EIF2AK3: variants seen among roughly 807,000 people sequenced by gnomAD.
EIF2AK3 encodes eukaryotic translation initiation factor 2 alpha kinase 3, also known as eukaryotic translation initiation factor 2-alpha kinase 3.
Under a neutral mutation model 113.5 loss-of-function variants are expected in EIF2AK3, and 50 were observed. The observed-to-expected ratio is 0.44, with a 90% confidence interval of 0.35 to 0.56. The LOEUF is 0.56. Among genes scored for constraint, EIF2AK3 ranks in the 20% least tolerant of loss-of-function variants. The pLI, the probability that EIF2AK3 is intolerant of heterozygous loss-of-function variation, is 0.00. For missense variants in EIF2AK3, 1,185 were observed against 1,378.0 expected, an observed-to-expected ratio of 0.86 and a Z score of 2.22; for synonymous variants, 448 against 495.4, an observed-to-expected ratio of 0.90 and a Z score of 1.27.
intron 2 of EIF2AK3, among the ~76,000 whole-genome samples, chr2:88,602,439 G>A (rs1475493336): frequency 6.6e-6 from 1 of 151,874 alleles, no homozygotes; most frequent in Non-Finnish European, 1.5e-5. Context: ...GAGAAGAGGG[G>A]GTAAGAAAAA....
At position 88,570,878 on chromosome 2, in the gene EIF2AK3, T is replaced by C; in HGVS notation, c.2981A>G (p.Glu994Gly). ...QVGTKLYMSPEQIHGNSYSHK... is the reference protein window; with the variant it reads ...QVGTKLYMSPGQIHGNSYSHK... The stretch of plus-strand genomic sequence containing the variant: ...GTAAAGGTCTGAAAAACTCACCTGC[T>C]CTGGGCTCATATACAGTTTGGTCCC... Residue 994 changes from glutamate to glycine, a missense_variant, in exon 14 of 17, where the codon GAG (glutamate) becomes GGG (glycine). Glu to Gly is a moderately conservative substitution (Grantham distance 98). This residue lies in a region of EIF2AK3 where 877 missense variants were observed against 1,024.2 expected (regional missense o/e 0.86). Coordinates refer to ENST00000303236, the MANE Select transcript of EIF2AK3 (RefSeq NM_004836.7). The C allele has an allele frequency of 1.9e-6, 3 of 1,614,182 alleles. No homozygotes were observed. Among genetic ancestry groups the C allele is most frequent in the Non-Finnish European group, 2.5e-6 (3 of 1,180,014 alleles).
At chr2:88,617,205 T>C (rs1675608005) in intron 1 of EIF2AK3, among the ~76,000 whole-genome samples, 1 of 152,218 alleles carries the variant, frequency 6.6e-6, no homozygotes, top group Non-Finnish European at 1.5e-5. Context: ...CAGCATTTAG[T>C]GCACTATTCA....
chr2:88,566,813 C>T (rs541887462), intron 14 of EIF2AK3, among the ~76,000 whole-genome samples: 2 of 152,084 alleles, frequency 1.3e-5, no homozygotes, highest in South Asian at 2.1e-4. Context: ...CTGAGCATGG[C>T]GGTGTGGACC....
chr2:88,591,173 T>TA (rs2104439090), intron 4 of EIF2AK3, 121 bp from the exon 5 acceptor site: 1 of 919,812 alleles, frequency 1.1e-6, no homozygotes, highest in South Asian at 1.5e-5. Flanking sequence ...ACTAACAACA[T>TA]AACCTTCTGG....
rs745622108 is a variant in EIF2AK3, at chr2:88,557,410, C to A, written c.*326G>T. The A allele has an allele frequency of 8.8e-5, 25 of 285,400 alleles. No individual in the cohort carries two copies. The highest frequency in any genetic ancestry group is 1.6e-4 in the Non-Finnish European group (24 of 149,408). 17.7% of individuals were successfully genotyped at this position (285,400 alleles called of 1,614,324 possible). A position where few individuals can be genotyped will look rare whatever the true frequency, so the allele number is the denominator to read the frequency against. On this transcript the variant is annotated 3_prime_UTR_variant, in exon 17 of 17. Transcript: ENST00000303236. ...TTCTTCTGCATTATAAAAATATATCCATTTTAGTTCTCACTATATATATAT... is the reference window on the plus strand; with the variant it reads ...TTCTTCTGCATTATAAAAATATATCAATTTTAGTTCTCACTATATATATAT...
At chr2:88,597,427 T>C (rs115211354) in intron 2 of EIF2AK3, among the ~76,000 whole-genome samples, 2,685 of 152,238 alleles carry the variant, frequency 0.018, 69 homozygotes, top group African/African-American at 0.061. Flanking sequence ...TCAACAGCTA[T>C]TATCTTCTTA....
At chr2:88,616,811 G>A (rs924167687) in intron 1 of EIF2AK3, among the ~76,000 whole-genome samples, 2 of 152,164 alleles carry the variant, frequency 1.3e-5, no homozygotes, top group African/African-American at 4.8e-5. Context: ...CATGCACACT[G>A]TAAGCATGTA....
chr2:88,598,147 A>G (rs2104449125), intron 2 of EIF2AK3, among the ~76,000 whole-genome samples: 1 of 152,342 alleles, frequency 6.6e-6, no homozygotes, highest in East Asian at 1.9e-4. Context: ...ATAGGAATTC[A>G]CATGTTCATA....
intron 14 of EIF2AK3, among the ~76,000 whole-genome samples, chr2:88,569,399 G>A (rs945033475): frequency 6.6e-6 from 1 of 151,846 alleles, no homozygotes; most frequent in Admixed American, 6.6e-5. Flanking sequence ...TGTGAGAATG[G>A]CATTTCAAGG....
chr2:88,626,128 C>G (rs1675851589), intron 1 of EIF2AK3, among the ~76,000 whole-genome samples: 1 of 152,180 alleles, frequency 6.6e-6, no homozygotes, highest in Non-Finnish European at 1.5e-5. Context: ...CCCAAATTTA[C>G]TGTTAACATG....
intron 14 of EIF2AK3, among the ~76,000 whole-genome samples, chr2:88,569,344 AAAAC>A (rs1313508998): frequency 7.9e-5 from 12 of 152,086 alleles, no homozygotes; most frequent in South Asian, 6.2e-4. Flanking sequence ...CTCAAAAAAA[AAAAC>A]AAACAACATT....
At chr2:88,614,544 T>C (rs910613702) in intron 1 of EIF2AK3, among the ~76,000 whole-genome samples, 3 of 152,206 alleles carry the variant, frequency 2.0e-5, no homozygotes, top group African/African-American at 7.2e-5. Flanking sequence ...CAGCTGCTCC[T>C]GTGGTCAGAC....
At chr2:88,612,464 A>G (rs957406709) in intron 2 of EIF2AK3, among the ~76,000 whole-genome samples, 5 of 152,252 alleles carry the variant, frequency 3.3e-5, no homozygotes, top group African/African-American at 1.2e-4. Context: ...TGTAATTTAC[A>G]ATCAAATTGC....
intron 13 of EIF2AK3, among the ~76,000 whole-genome samples, chr2:88,571,861 T>C (rs924593260): frequency 1.3e-5 from 2 of 152,186 alleles, no homozygotes; most frequent in African/African-American, 4.8e-5. Flanking sequence ...TCTAAACTCA[T>C]ATTACACTGT....
chr2:88,626,887 G>A, intron 1 of EIF2AK3, 80 bp downstream of exon 1: 1 of 1,549,610 alleles, frequency 6.5e-7, no homozygotes, highest in South Asian at 1.2e-5. Context: ...CCGGGTCCCG[G>A]ATCTCCGCCC....
chr2:88,609,748 T>C (rs577655735), intron 2 of EIF2AK3, among the ~76,000 whole-genome samples: 157 of 152,204 alleles, frequency 1.0e-3, no homozygotes, highest in South Asian at 6.2e-3. Context: ...AGTGAACTTT[T>C]TACTTCAAAG....
Position 88,558,055 on chromosome 2 carries a change from G to A in EIF2AK3, c.3151-119C>T, listed in dbSNP as rs995819504. 8.9e-6 allele frequency: 9 copies of A among 1,005,812 alleles called. No individual in the cohort carries two copies. The African/African-American group carries it at 9.6e-5, about 11-fold the overall frequency. 62.3% of individuals were successfully genotyped at this position (1,005,812 alleles called of 1,614,324 possible). A position where few individuals can be genotyped will look rare whatever the true frequency, so the allele number is the denominator to read the frequency against. ...TTTTAAGCTTTTGAGCCATATTCGA[G>A]TTTTCAAGTCTCTGATACAACTACT... On this transcript the variant is annotated intron_variant, in intron 16 of 16. Coordinates refer to ENST00000303236, the MANE Select transcript of EIF2AK3 (RefSeq NM_004836.7).
intron 1 of EIF2AK3, among the ~76,000 whole-genome samples, chr2:88,614,869 C>T (rs1675534494): frequency 6.6e-6 from 1 of 152,190 alleles, no homozygotes; most frequent in Non-Finnish European, 1.5e-5. Flanking sequence ...TGCAGTTGAA[C>T]GTATCTGAAG....
upstream of EIF2AK3, chr2:88,628,084 C>T (rs1186055900): frequency 1.3e-5 from 2 of 152,368 alleles, no homozygotes; most frequent in Non-Finnish European, 2.9e-5. Flanking sequence ...AGGAGATGGT[C>T]CTACTTGTGG....
Sources: gnomAD v4.1 joint callset for allele counts (sites outside exome capture counted in the v4.1 genomes callset) on GRCh38, gnomAD v4.1.1 for gene constraint, gnomAD v4.1.1 regional missense constraint, MANE v1.5 for transcripts, NCBI Gene and HGNC (gene_info 2026-07-23, HGNC 2026-07-21) for gene names.